PTTG1IP2: variants seen among roughly 807,000 people sequenced by gnomAD.
The protein encoded by PTTG1IP2 is PTTG1IP family member 2.
intron 6 of PTTG1IP2, among the ~76,000 whole-genome samples, chr7:90,495,422 T>G (rs903707690): frequency 1.3e-5 from 2 of 152,238 alleles, no homozygotes; most frequent in African/African-American, 4.8e-5. Flanking sequence ...AGCTAGGGAC[T>G]ATCCTTTGGA....
At chr7:90,498,293 T>C (rs1220535374) in intron 6 of PTTG1IP2, among the ~76,000 whole-genome samples, 1 of 152,192 alleles carries the variant, frequency 6.6e-6, no homozygotes, top group Admixed American at 6.5e-5. Flanking sequence ...ATTATAACCA[T>C]AAAATGGTAG....
At position 90,509,738 on chromosome 7, in the gene PTTG1IP2, G is replaced by A. The variant is rs556105149; in HGVS notation, c.*51-3540G>A. Among the ~76,000 whole-genome samples, 188 of 152,248 alleles carry A rather than the reference G, an allele frequency of 1.2e-3. 1 individual carries two copies. In the South Asian group the frequency reaches 0.023, roughly 19 times the overall value. ...GTGTGGATAGAAGTTGTGATTTCCCGCAAGAAGCTGGAGGCTGGGACTCAC... is the reference window on the plus strand; with the variant it reads ...GTGTGGATAGAAGTTGTGATTTCCCACAAGAAGCTGGAGGCTGGGACTCAC... On this transcript the variant is annotated intron_variant, in intron 6 of 6. Coordinates refer to ENST00000509356, the MANE Select transcript of PTTG1IP2 (RefSeq NM_001365443.2).
chr7:90,507,995 C>T (rs1282960085), intron 6 of PTTG1IP2, among the ~76,000 whole-genome samples: 2 of 152,016 alleles, frequency 1.3e-5, no homozygotes, highest in East Asian at 3.9e-4. Context: ...CAATAGCTCA[C>T]ACCTGTAATC....
intron 2 of PTTG1IP2, among the ~76,000 whole-genome samples, chr7:90,484,524 A>G (rs1048317671): frequency 6.6e-6 from 1 of 152,144 alleles, no homozygotes; most frequent in Non-Finnish European, 1.5e-5. Context: ...TCATATTTAC[A>G]TGGGTTATTT....
intron 6 of PTTG1IP2, among the ~76,000 whole-genome samples, chr7:90,511,853 G>T (rs556886255): frequency 6.6e-6 from 1 of 152,262 alleles, no homozygotes; most frequent in Admixed American, 6.5e-5. Flanking sequence ...AAAAATAATT[G>T]GTTGTTCACA....
intron 6 of PTTG1IP2, among the ~76,000 whole-genome samples, chr7:90,496,129 T>G (rs1445639148): frequency 6.6e-6 from 1 of 152,230 alleles, no homozygotes; most frequent in African/African-American, 2.4e-5. Flanking sequence ...TCTCATAGTG[T>G]CTTTGTCTGG....
At chr7:90,485,985 A>T (rs1056039507) in intron 2 of PTTG1IP2, among the ~76,000 whole-genome samples, 2 of 152,104 alleles carry the variant, frequency 1.3e-5, no homozygotes, top group Non-Finnish European at 2.9e-5. Context: ...GGAGGACAAG[A>T]CTCATTCAGT....
chr7:90,489,299 A>AC (rs1464571178), intron 4 of PTTG1IP2, among the ~76,000 whole-genome samples: 9 of 151,814 alleles, frequency 5.9e-5, no homozygotes, highest in Admixed American at 1.3e-4. Context: ...TTATCTATTG[A>AC]CCCCCAATCA....
At chr7:90,500,508 C>T (rs754958071) in intron 6 of PTTG1IP2, among the ~76,000 whole-genome samples, 1 of 152,146 alleles carries the variant, frequency 6.6e-6, no homozygotes, top group Non-Finnish European at 1.5e-5. Flanking sequence ...AAGAACTAGG[C>T]TCCAACGCAG....
At chr7:90,500,214 A>C (rs1798046988) in intron 6 of PTTG1IP2, among the ~76,000 whole-genome samples, 1 of 152,172 alleles carries the variant, frequency 6.6e-6, no homozygotes, top group Non-Finnish European at 1.5e-5. Context: ...ACTCTGTCTC[A>C]GAAACAAACA....
intron 6 of PTTG1IP2, among the ~76,000 whole-genome samples, chr7:90,507,187 A>T (rs1419332402): frequency 6.6e-6 from 1 of 152,218 alleles, no homozygotes; most frequent in Non-Finnish European, 1.5e-5. Flanking sequence ...GTGTAGGGAT[A>T]ACATTTTTTT....
At position 90,483,375 on chromosome 7, in the gene PTTG1IP2, G is replaced by C. The variant is rs772736916; in HGVS notation, c.193-3952G>C. 1.2e-4 allele frequency among the ~76,000 whole-genome samples: 18 copies of C among 152,190 alleles called. No individual in the cohort carries two copies. The Middle Eastern group carries it at 0.01, about 86-fold the overall frequency. On this transcript the variant is annotated intron_variant, in intron 2 of 6. Coordinates refer to ENST00000509356, the MANE Select transcript of PTTG1IP2 (RefSeq NM_001365443.2). ...CCTTGAGAAGTCTGTTCTCATTTCT[G>C]AGGTGAATCCCTTAGTCCTTGCCTC...
At chr7:90,477,484 A>C (rs954666834) in intron 1 of PTTG1IP2, among the ~76,000 whole-genome samples, 52 of 152,212 alleles carry the variant, frequency 3.4e-4, no homozygotes, top group African/African-American at 1.3e-3. Context: ...GCTCTTAGCC[A>C]AAACTCTTTT....
At chr7:90,488,303 T>G (rs181254464) in intron 3 of PTTG1IP2, among the ~76,000 whole-genome samples, 89 of 130,946 alleles carry the variant, frequency 6.8e-4, no homozygotes, top group African/African-American at 2.3e-3. Context: ...GAAGTTACAC[T>G]TCTTGTAACT....
chr7:90,471,872 G>A (rs1432272309), intron 1 of PTTG1IP2, among the ~76,000 whole-genome samples: 1 of 152,132 alleles, frequency 6.6e-6, no homozygotes, highest in East Asian at 1.9e-4. Flanking sequence ...TGCGTTACAA[G>A]CTGGATTTGA....
chr7:90,496,627 C>T (rs919131831), intron 6 of PTTG1IP2, among the ~76,000 whole-genome samples: 1 of 151,860 alleles, frequency 6.6e-6, no homozygotes, highest in Non-Finnish European at 1.5e-5. Flanking sequence ...TTTTTTAACT[C>T]TTCTTACTAT....
At chr7:90,486,311 T>C (rs1797874362) in intron 2 of PTTG1IP2, among the ~76,000 whole-genome samples, 1 of 152,086 alleles carries the variant, frequency 6.6e-6, no homozygotes, top group Non-Finnish European at 1.5e-5. Context: ...TGCACCTTCT[T>C]GTTCTCATCT....
intron 2 of PTTG1IP2, among the ~76,000 whole-genome samples, chr7:90,482,999 C>A (rs186714905): frequency 1.3e-5 from 2 of 152,160 alleles, no homozygotes; most frequent in Non-Finnish European, 2.9e-5. Flanking sequence ...TACCTTACAA[C>A]CCACAAAGAG....
intron 4 of PTTG1IP2, among the ~76,000 whole-genome samples, chr7:90,489,336 T>C (rs1183467152): frequency 6.6e-6 from 1 of 151,884 alleles, no homozygotes; most frequent in Non-Finnish European, 1.5e-5. Flanking sequence ...TATCTTGCAC[T>C]ATACACATTT....
Sources: gnomAD v4.1 joint callset for allele counts (sites outside exome capture counted in the v4.1 genomes callset) on GRCh38, gnomAD v4.1.1 for gene constraint, MANE v1.5 for transcripts, NCBI Gene and HGNC (gene_info 2026-07-23, HGNC 2026-07-21) for gene names.